The following DIAPH3 variants were observed in gnomAD, a reference collection of about 807,000 sequenced individuals.
DIAPH3 encodes the protein diaphanous related formin 3.
DIAPH3 carries 117 observed loss-of-function variants against 144.3 expected under a neutral mutation model. That is an observed-to-expected ratio of 0.81 (90% CI 0.70 to 0.95). DIAPH3 has a LOEUF of 0.95. DIAPH3 is among the 40% of genes least tolerant of loss of function. DIAPH3 has a pLI of 0.00. For synonymous variants in DIAPH3, 519 were observed against 488.9 expected (o/e 1.06, Z -0.81); for missense variants, 1,421 against 1,412.7 (o/e 1.01, Z -0.09).
intron 12 of DIAPH3, among the ~76,000 whole-genome samples, chr13:59,984,884 A>T (rs1388330873): frequency 9.1e-6 from 1 of 110,426 alleles, no homozygotes; most frequent in African/African-American, 3.6e-5. Flanking sequence ...GCCGAATTCT[A>T]CCAGAGGTAC....
intron 19 of DIAPH3, among the ~76,000 whole-genome samples, chr13:59,914,406 G>C (rs1228115591): frequency 6.6e-6 from 1 of 152,076 alleles, no homozygotes; most frequent in Non-Finnish European, 1.5e-5. Context: ...ACCCAAGGCT[G>C]GTTTTATATT....
chr13:59,891,509 A>G (rs2045795517), intron 20 of DIAPH3, among the ~76,000 whole-genome samples: 1 of 151,860 alleles, frequency 6.6e-6, no homozygotes, highest in African/African-American at 2.4e-5. Context: ...TTTTAGCAGG[A>G]ATTTAGTGGG....
Position 59,719,975 on chromosome 13 carries a change from G to T in DIAPH3, c.3320-53129C>A, listed in dbSNP as rs1454021129. On this transcript the variant is annotated intron_variant, in intron 27 of 27. Transcript: ENST00000400324. ...CTTAATCCTAAACAATTGAGGAGGAGAAACTGGATAGTTGGGAAGGGGAAA... is the reference window on the plus strand; with the variant it reads ...CTTAATCCTAAACAATTGAGGAGGATAAACTGGATAGTTGGGAAGGGGAAA... Among the ~76,000 whole-genome samples the T allele has an allele frequency of 2.0e-5, 3 of 152,268 alleles. No individual in the cohort carries two copies. In the East Asian group the frequency reaches 5.8e-4, roughly 30 times the overall value.
intron 27 of DIAPH3, among the ~76,000 whole-genome samples, chr13:59,744,064 G>A (rs1328566250): frequency 6.6e-6 from 1 of 151,984 alleles, no homozygotes; most frequent in Non-Finnish European, 1.5e-5. Context: ...AACTATACGG[G>A]TCCTGGTCAC....
At chr13:60,033,001 C>T (rs554524328) in intron 5 of DIAPH3, among the ~76,000 whole-genome samples, 1 of 152,310 alleles carries the variant, frequency 6.6e-6, no homozygotes, top group East Asian at 1.9e-4. Flanking sequence ...ACCAGATACC[C>T]TAAATCACTC....
intron 27 of DIAPH3, among the ~76,000 whole-genome samples, chr13:59,750,946 A>G (rs1215130812): frequency 6.6e-6 from 1 of 152,234 alleles, no homozygotes; most frequent in Non-Finnish European, 1.5e-5. Context: ...TCAGGGTCTG[A>G]GTCAAGCTGT....
intron 27 of DIAPH3, among the ~76,000 whole-genome samples, chr13:59,739,233 T>A (rs1373759333): frequency 6.6e-6 from 1 of 151,890 alleles, no homozygotes; most frequent in African/African-American, 2.4e-5. Context: ...TAAAATAAAC[T>A]GACTACGTTT....
At chr13:60,029,162 A>T (rs1296052193) in intron 5 of DIAPH3, among the ~76,000 whole-genome samples, 1 of 6,338 alleles carries the variant, frequency 1.6e-4, no homozygotes, top group African/African-American at 6.0e-4. Context: ...TTGCTCAAGT[A>T]AAAAAAAAAA....
chr13:59,706,385 A>G (rs2034430037), intron 27 of DIAPH3, among the ~76,000 whole-genome samples: 1 of 152,132 alleles, frequency 6.6e-6, no homozygotes, highest in Non-Finnish European at 1.5e-5. Context: ...ATAATACCAA[A>G]CAATGGTGAA....
intron 27 of DIAPH3, among the ~76,000 whole-genome samples, chr13:59,715,676 T>C (rs1451211614): frequency 6.6e-6 from 1 of 152,234 alleles, no homozygotes; most frequent in Non-Finnish European, 1.5e-5. Flanking sequence ...GTCCCAATTA[T>C]AGCACTTGAA....
rs144560357 is a variant in DIAPH3, at chr13:59,739,837, A to G, written c.3319+34352T>C. 2.7e-3 allele frequency among the ~76,000 whole-genome samples: 408 copies of G among 152,308 alleles called. 3 individuals carry two copies. Among genetic ancestry groups the G allele is most frequent in the African/African-American group, 9.3e-3 (388 of 41,570 alleles). ...TCAACCCTCTGAATCCACAAATTCAACTAACTGTGATTCAAATATATTCAG... is the reference window on the plus strand; with the variant it reads ...TCAACCCTCTGAATCCACAAATTCAGCTAACTGTGATTCAAATATATTCAG... On this transcript the variant is annotated intron_variant, in intron 27 of 27. Transcript: ENST00000400324.
rs187436014 is a variant in DIAPH3, at chr13:59,974,535, G to A, written c.1546-79C>T. 50 of 1,182,286 alleles carry A rather than the reference G, an allele frequency of 4.2e-5. No individual in the cohort carries two copies. In the East Asian group the frequency reaches 1.1e-3, roughly 25 times the overall value. 73.2% of individuals were successfully genotyped at this position (1,182,286 alleles called of 1,614,324 possible). ...TATTCTTCTTATAGAAATGTGACTC[G>A]AATGATCTGCCGGTAGAACACAAAT... On this transcript the variant is annotated intron_variant, in intron 14 of 27. Transcript: ENST00000400324.
intron 22 of DIAPH3, among the ~76,000 whole-genome samples, chr13:59,847,248 A>G (rs903558628): frequency 5.3e-5 from 8 of 152,178 alleles, no homozygotes; most frequent in Non-Finnish European, 8.8e-5. Flanking sequence ...TAATTAATTT[A>G]CTATACTGTA....
At chr13:60,067,687 T>C (rs2057024136) in intron 4 of DIAPH3, among the ~76,000 whole-genome samples, 1 of 152,198 alleles carries the variant, frequency 6.6e-6, no homozygotes. Context: ...TTCCTGAGAG[T>C]AACCAAATCT....
intron 3 of DIAPH3, among the ~76,000 whole-genome samples, chr13:60,103,726 G>A (rs2058336165): frequency 6.6e-6 from 1 of 152,138 alleles, no homozygotes; most frequent in South Asian, 2.1e-4. Flanking sequence ...TGTTTTGCCA[G>A]CATTATATTA....
At chr13:59,784,434 G>A (rs2038920253) in intron 25 of DIAPH3, among the ~76,000 whole-genome samples, 2 of 151,642 alleles carry the variant, frequency 1.3e-5, no homozygotes, top group Non-Finnish European at 2.9e-5. Flanking sequence ...GGAGTGAAGT[G>A]GTGTAATCTC....
At chr13:60,061,866 G>A (rs1051694080) in intron 4 of DIAPH3, among the ~76,000 whole-genome samples, 1 of 151,974 alleles carries the variant, frequency 6.6e-6, no homozygotes, top group African/African-American at 2.4e-5. Flanking sequence ...ACTCCGGGGG[G>A]TGAGGGGGAG....
chr13:59,866,026 T>C (rs2043897467), intron 21 of DIAPH3, among the ~76,000 whole-genome samples: 1 of 151,990 alleles, frequency 6.6e-6, no homozygotes, highest in South Asian at 2.1e-4. Context: ...TTTAGATGTT[T>C]AGATGCTGTG....
At chr13:60,145,024 T>C (rs1377997037) in intron 1 of DIAPH3, among the ~76,000 whole-genome samples, 1 of 152,186 alleles carries the variant, frequency 6.6e-6, no homozygotes, top group East Asian at 1.9e-4. Flanking sequence ...ACCTTATCAC[T>C]ACTACTACAC....
Sources: gnomAD v4.1 joint callset for allele counts (sites outside exome capture counted in the v4.1 genomes callset) on GRCh38, gnomAD v4.1.1 for gene constraint, MANE v1.5 for transcripts, NCBI Gene and HGNC (gene_info 2026-07-23, HGNC 2026-07-21) for gene names.